OTOP1: variants seen among roughly 807,000 people sequenced by gnomAD.
OTOP1 encodes proton channel OTOP1.
In OTOP1, 59 loss-of-function variants were observed where a neutral mutation model predicts 52.9. That is an observed-to-expected ratio of 1.12 (90% CI 0.91 to 1.39). OTOP1 has a LOEUF of 1.39. Ranked by LOEUF, OTOP1 falls within the 40% of genes most tolerant of loss-of-function variation. The pLI is 0.00. For synonymous variants in OTOP1, 317 were observed against 337.7 expected (o/e 0.94, Z 0.67); for missense variants, 761 against 800.9 (o/e 0.95, Z 0.60).
intron 3 of OTOP1, among the ~76,000 whole-genome samples, 157 bp from the exon 4 acceptor site, chr4:4,202,735 T>TG (rs1716817771): frequency 6.6e-6 from 1 of 152,246 alleles, no homozygotes; most frequent in Non-Finnish European, 1.5e-5. Context: ...CCTGCCTGGC[T>TG]GGGTGGGGCA....
At position 4,198,359 on chromosome 4, in the gene OTOP1, T is replaced by C. The variant is rs562568552; in HGVS notation, c.731-256A>G. Among the ~76,000 whole-genome samples, 346 of 152,264 alleles carry C rather than the reference T, an allele frequency of 2.3e-3. 1 individual carries two copies. Among genetic ancestry groups the C allele is most frequent in the African/African-American group, 8.0e-3 (332 of 41,550 alleles). The stretch of plus-strand genomic sequence containing the variant: ...AAAGAGGATAGAGAAGATGACTCTA[T>C]TGTTGTAAAAAATAGATATGTAGAT... On this transcript the variant is annotated intron_variant, in intron 4 of 5. Transcript: ENST00000296358.
chr4:4,226,640 C>G lies in OTOP1; in HGVS notation c.225G>C (p.Leu75=). Reference sequence around the variant, plus strand: ...CGTGCACGGCCCAGGCCAGCAGCAGCAGCAGCCCCGCCACGAACACGATCA... The same window carrying G: ...CGTGCACGGCCCAGGCCAGCAGCAGGAGCAGCCCCGCCACGAACACGATCA... ...YGLIVFVAGL[L]LLLAWAVHAA... The change falls in exon 1 of 6, where the codon CTG becomes CTC. Residue 75 remains leucine, a synonymous_variant. Transcript: ENST00000296358. 1 of 1,552,386 alleles carries G rather than the reference C, an allele frequency of 6.4e-7. No individual in the cohort carries two copies. The highest frequency in any genetic ancestry group is 1.2e-5 in the South Asian group (1 of 85,518).
chr4:4,212,867 C>T lies in OTOP1; in HGVS notation c.540+1G>A, dbSNP rs759458632. The T allele has an allele frequency of 1.2e-6, 2 of 1,613,772 alleles. No individual in the cohort carries two copies. The highest frequency in any genetic ancestry group is 1.7e-6 in the Non-Finnish European group (2 of 1,179,816). On this transcript the variant is annotated splice_donor_variant, in intron 2 of 5. Transcript: ENST00000296358. LOFTEE classifies it high-confidence loss of function. ...AATATAAATAAACATCAGTGGTTTACCTGCAACAAAGTATGCACTGAATGG... is the reference window on the plus strand; with the variant it reads ...AATATAAATAAACATCAGTGGTTTATCTGCAACAAAGTATGCACTGAATGG...
chr4:4,198,047 TG>T lies in OTOP1; in HGVS notation c.786del (p.Ile263SerfsTer13). On this transcript the variant is annotated frameshift_variant, in exon 5 of 6. Transcript: ENST00000296358. LOFTEE classifies it high-confidence loss of function. ...TAGAGGTAGTAGATCCCGTGGGAGA[TG>T]GCAGTGCACAGAGTTGGGGGCGTGC... ...CNCTPPTLCT[A>X]ISHGIYYLYP... 6.2e-7 allele frequency: 1 copy of T among 1,614,106 alleles called. No individual in the cohort carries two copies. The highest frequency in any genetic ancestry group is 8.5e-7 in the Non-Finnish European group (1 of 1,180,022).
chr4:4,200,279 A>G (rs1385702582), intron 4 of OTOP1, among the ~76,000 whole-genome samples: 2 of 152,046 alleles, frequency 1.3e-5, no homozygotes, highest in Admixed American at 6.6e-5. Context: ...GCGGATCACA[A>G]GGTCAGGAGA....
chr4:4,216,185 G>T (rs958166428), intron 1 of OTOP1, among the ~76,000 whole-genome samples: 2 of 152,140 alleles, frequency 1.3e-5, no homozygotes, highest in African/African-American at 4.8e-5. Flanking sequence ...CTGAAGAAAG[G>T]AAGCAATCTT....
intron 4 of OTOP1, among the ~76,000 whole-genome samples, chr4:4,202,203 T>C (rs1716802410): frequency 6.6e-6 from 1 of 152,196 alleles, no homozygotes; most frequent in Non-Finnish European, 1.5e-5. Flanking sequence ...ATCAGAATAA[T>C]CACCGTGGGT....
At chr4:4,214,625 A>G (rs1034723746) in intron 1 of OTOP1, among the ~76,000 whole-genome samples, 1 of 152,268 alleles carries the variant, frequency 6.6e-6, no homozygotes, top group African/African-American at 2.4e-5. Flanking sequence ...CAGTTTAAAA[A>G]GGAAAGAAAT....
At chr4:4,224,764 G>A (rs111616200) in intron 1 of OTOP1, among the ~76,000 whole-genome samples, 13,469 of 152,236 alleles carry the variant, frequency 0.088, 1,950 homozygotes, top group African/African-American at 0.31. Context: ...CTTCTGGATG[G>A]TAAGGCTAAT....
intron 4 of OTOP1, among the ~76,000 whole-genome samples, chr4:4,200,718 C>T (rs1169608935): frequency 2.1e-5 from 2 of 94,404 alleles, no homozygotes; most frequent in African/African-American, 4.8e-5. Flanking sequence ...TGCCAGCATG[C>T]CTGCCTTTTT....
Position 4,206,082 on chromosome 4 carries a change from T to G in OTOP1, c.589A>C (p.Thr197Pro). 1 of 1,606,178 alleles carries G rather than the reference T, an allele frequency of 6.2e-7. No homozygotes were observed. The highest frequency in any genetic ancestry group is 8.5e-7 in the Non-Finnish European group (1 of 1,173,030). The change falls in exon 3 of 6, where the codon ACA (threonine) becomes CCA (proline). Residue 197 changes from threonine to proline, a missense_variant. Physicochemically the swap from Thr to Pro is conservative, Grantham distance 38. This residue lies in a region of OTOP1 where 632 missense variants were observed against 619.5 expected (regional missense o/e 1.02). Coordinates refer to ENST00000296358, the MANE Select transcript of OTOP1 (RefSeq NM_177998.3). Reference sequence around the variant, plus strand: ...ACCCACAATTTTTACCTTTCCAGTGTTTTGAAAGACTGGATAATATCCTTT... The same window carrying G: ...ACCCACAATTTTTACCTTTCCAGTGGTTTGAAAGACTGGATAATATCCTTT... ...HAKDIIQSFK[T>P]LERFGVIHSV... is the part of the protein sequence containing the mutation.
rs892810637 is a variant in OTOP1 at position 4,212,109 on chromosome 4, G to GA, written c.540+758dup. Among the ~76,000 whole-genome samples, 16 of 151,856 alleles carry GA rather than the reference G, an allele frequency of 1.1e-4. 1 individual carries two copies. Among genetic ancestry groups the GA allele is most frequent in the African/African-American group, 3.1e-4 (13 of 41,448 alleles). ...ATATCTTAAACATATACATAAAAAAGAAAAAAAATGAGGCTGACAATTCAA... is the reference window on the plus strand; with the variant it reads ...ATATCTTAAACATATACATAAAAAAGAAAAAAAAATGAGGCTGACAATTCAA... On this transcript the variant is annotated intron_variant, in intron 2 of 5. Transcript: ENST00000296358.
At chr4:4,200,507 G>A (rs1175537844) in intron 4 of OTOP1, among the ~76,000 whole-genome samples, 8 of 148,706 alleles carry the variant, frequency 5.4e-5, no homozygotes, top group African/African-American at 1.5e-4. Flanking sequence ...AAACTATATC[G>A]TAGCATTAAT....
At chr4:4,216,540 A>T (rs1717155807) in intron 1 of OTOP1, among the ~76,000 whole-genome samples, 1 of 152,220 alleles carries the variant, frequency 6.6e-6, no homozygotes, top group Admixed American at 6.5e-5. Context: ...GCCTCCTCTG[A>T]AAAGTAATGC....
chr4:4,190,289 A>T (rs902154672), intron 5 of OTOP1, among the ~76,000 whole-genome samples: 4 of 152,228 alleles, frequency 2.6e-5, no homozygotes, highest in African/African-American at 9.6e-5. Flanking sequence ...CCTGGCCAAC[A>T]TGGTGAAACC....
At chr4:4,191,804 T>A (rs1482176283) in intron 5 of OTOP1, among the ~76,000 whole-genome samples, 6 of 152,112 alleles carry the variant, frequency 3.9e-5, no homozygotes, top group African/African-American at 1.4e-4. Context: ...GTAAGCCCCA[T>A]AAGAGGAAGA....
rs569758209 is a variant in OTOP1, at chr4:4,188,741, C to A, written c.*62G>T. 7.0e-7 allele frequency: 1 copy of A among 1,432,868 alleles called. No individual in the cohort carries two copies. Among genetic ancestry groups the A allele is most frequent in the Non-Finnish European group, 9.3e-7 (1 of 1,077,274 alleles). 88.8% of individuals were successfully genotyped at this position (1,432,868 alleles called of 1,614,324 possible). On this transcript the variant is annotated 3_prime_UTR_variant, in exon 6 of 6. Coordinates refer to ENST00000296358, the MANE Select transcript of OTOP1 (RefSeq NM_177998.3). ...TCAGGCAATATTTGCCCAACCTGGC[C>A]ACTCCTAGTTGGCTCCAATGAACTC...
intron 4 of OTOP1, among the ~76,000 whole-genome samples, chr4:4,201,471 T>TACACACACACAC (rs762922216): frequency 2.4e-4 from 34 of 140,842 alleles, no homozygotes; most frequent in African/African-American, 3.2e-4. Flanking sequence ...TATATATATA[T>TACACACACACAC]ACACACACAC....
intron 3 of OTOP1, among the ~76,000 whole-genome samples, chr4:4,204,572 G>GA (rs1423394100): frequency 6.6e-6 from 1 of 152,072 alleles, no homozygotes; most frequent in Non-Finnish European, 1.5e-5. Context: ...GCTTGATGTG[G>GA]AAATGGTCCA....
Sources: allele counts gnomAD v4.1 joint callset (sites outside exome capture counted in the v4.1 genomes callset), GRCh38; gene constraint gnomAD v4.1.1; regional missense constraint gnomAD v4.1.1; transcripts MANE v1.5; gene names NCBI Gene and HGNC (gene_info 2026-07-23, HGNC 2026-07-21).